ATRNL1: variants seen among roughly 807,000 people sequenced by gnomAD.
ATRNL1 encodes attractin like 1.
Under a neutral mutation model 182.7 loss-of-function variants are expected in ATRNL1, and 95 were observed. The ratio of observed to expected loss-of-function variants is 0.52; its 90% CI spans 0.44 to 0.62. The LOEUF (loss-of-function observed/expected upper bound fraction) is 0.62. Ranked by LOEUF, ATRNL1 falls within the 20% of genes least tolerant of loss-of-function variation. ATRNL1 has a pLI of 0.00. For missense variants in ATRNL1, 1,471 were observed against 1,679.5 expected, an observed-to-expected ratio of 0.88 and a Z score of 2.17; for synonymous variants, 576 against 568.3, an observed-to-expected ratio of 1.01 and a Z score of -0.19.
At chr10:115,764,550 T>C (rs1948810142) in intron 27 of ATRNL1, among the ~76,000 whole-genome samples, 1 of 152,192 alleles carries the variant, frequency 6.6e-6, no homozygotes, top group Non-Finnish European at 1.5e-5. Flanking sequence ...TTCCAGAATG[T>C]AATATAGTTT....
At chr10:115,296,370 T>G (rs527868396) in intron 15 of ATRNL1, among the ~76,000 whole-genome samples, 1 of 152,302 alleles carries the variant, frequency 6.6e-6, no homozygotes, top group South Asian at 2.1e-4. Context: ...CAATCCTCTC[T>G]TGTGGTAGGG....
chr10:115,648,662 C>A (rs1859787733), intron 26 of ATRNL1, among the ~76,000 whole-genome samples: 1 of 152,132 alleles, frequency 6.6e-6, no homozygotes, highest in South Asian at 2.1e-4. Flanking sequence ...CTTTTCTAGG[C>A]AGTTACTTCC....
rs1053129351 is a variant in ATRNL1, at chr10:115,800,872, C to T, written c.3904-47005C>T. Among the ~76,000 whole-genome samples the T allele has an allele frequency of 5.9e-5, 9 of 152,162 alleles. No individual in the cohort carries two copies. In the South Asian group the frequency reaches 1.7e-3, roughly 28 times the overall value. The stretch of plus-strand genomic sequence containing the variant: ...TAGGACTTCCCAGCCTCCGGAACTA[C>T]AAGAAATAAATGTCTGTTGGTTAAG... On this transcript the variant is annotated intron_variant, in intron 27 of 28. Transcript: ENST00000355044.
intron 26 of ATRNL1, among the ~76,000 whole-genome samples, chr10:115,651,705 A>G (rs1480930417): frequency 1.3e-5 from 2 of 152,182 alleles, no homozygotes; most frequent in Non-Finnish European, 2.9e-5. Context: ...TTACATAACC[A>G]TCTTGCTAGA....
chr10:115,389,546 A>ATATATATATGTG (rs1564989821), intron 19 of ATRNL1, among the ~76,000 whole-genome samples: 2 of 16,398 alleles, frequency 1.2e-4, no homozygotes, highest in Non-Finnish European at 2.6e-4. Context: ...ATGTGTATAT[A>ATATATATATGTG]TATATATATA....
At chr10:115,163,932 G>C (rs1846918308) in intron 6 of ATRNL1, among the ~76,000 whole-genome samples, 1 of 152,180 alleles carries the variant, frequency 6.6e-6, no homozygotes, top group Admixed American at 6.5e-5. Flanking sequence ...TAGGAAATAA[G>C]TTAAACAATG....
At chr10:115,182,385 G>T (rs190975352) in intron 8 of ATRNL1, among the ~76,000 whole-genome samples, 1 of 151,254 alleles carries the variant, frequency 6.6e-6, no homozygotes, top group African/African-American at 2.4e-5. Context: ...AGATATAAAC[G>T]TTCTTACCTA....
chr10:115,379,356 T>C (rs1857856752), intron 19 of ATRNL1, among the ~76,000 whole-genome samples: 1 of 152,222 alleles, frequency 6.6e-6, no homozygotes, highest in South Asian at 2.1e-4. Context: ...GCATTTGTGC[T>C]ATTTTACTCT....
chr10:115,759,226 C>T (rs1948670111), intron 27 of ATRNL1, among the ~76,000 whole-genome samples: 1 of 152,142 alleles, frequency 6.6e-6, no homozygotes, highest in African/African-American at 2.4e-5. Context: ...TTTGATTTAC[C>T]TTTCTCTTTA....
chr10:115,169,453 C>T (rs1554885054), intron 7 of ATRNL1, among the ~76,000 whole-genome samples: 2 of 152,040 alleles, frequency 1.3e-5, no homozygotes, highest in African/African-American at 2.4e-5. Flanking sequence ...AAGTGATCCA[C>T]TCGCCTCGGA....
intron 26 of ATRNL1, among the ~76,000 whole-genome samples, chr10:115,550,316 A>G (rs1852893902): frequency 6.6e-6 from 1 of 151,762 alleles, no homozygotes; most frequent in South Asian, 2.1e-4. Flanking sequence ...ATTTCTCCAT[A>G]TATTTCTATA....
chr10:115,583,410 T>C (rs1855267696), intron 26 of ATRNL1, among the ~76,000 whole-genome samples: 1 of 108,624 alleles, frequency 9.2e-6, no homozygotes, highest in South Asian at 4.2e-4. Flanking sequence ...TTTGTTTGTA[T>C]CCTCTTTTAT....
intron 26 of ATRNL1, among the ~76,000 whole-genome samples, chr10:115,692,959 C>T (rs183916560): frequency 1.5e-4 from 23 of 152,076 alleles, no homozygotes; most frequent in Admixed American, 5.2e-4. Context: ...TTATAATAGG[C>T]AATATTGCTT....
intron 27 of ATRNL1, among the ~76,000 whole-genome samples, chr10:115,770,462 G>T (rs1353309920): frequency 6.6e-6 from 1 of 152,100 alleles, no homozygotes; most frequent in Admixed American, 6.5e-5. Flanking sequence ...TAACCAATCA[G>T]TGAGAAAGGT....
chr10:115,662,171 T>C lies in ATRNL1; in HGVS notation c.3796-65077T>C, dbSNP rs985453489. 3.9e-5 allele frequency among the ~76,000 whole-genome samples: 6 copies of C among 152,088 alleles called. No individual in the cohort carries two copies. In the East Asian group the frequency reaches 5.8e-4, roughly 15 times the overall value. ...TATGTGCCACATTTTCTTAATCCAG[T>C]CTATCATTGTTGGACATTTGGCTTG... On this transcript the variant is annotated intron_variant, in intron 26 of 28. Transcript: ENST00000355044.
chr10:115,740,328 T>A (rs1345744930), intron 27 of ATRNL1, among the ~76,000 whole-genome samples: 1 of 150,114 alleles, frequency 6.7e-6, no homozygotes, highest in Admixed American at 6.7e-5. Flanking sequence ...TCTTTTTAAA[T>A]TTGCTTTATA....
At chr10:115,662,457 C>T (rs1368512246) in intron 26 of ATRNL1, among the ~76,000 whole-genome samples, 1 of 152,106 alleles carries the variant, frequency 6.6e-6, no homozygotes, top group Non-Finnish European at 1.5e-5. Context: ...AATCCCATTA[C>T]TGGTTATATA....
At chr10:115,578,813 ATGT>A (rs1436102472) in intron 26 of ATRNL1, among the ~76,000 whole-genome samples, 18 of 151,408 alleles carry the variant, frequency 1.2e-4, no homozygotes, top group African/African-American at 4.1e-4. Flanking sequence ...GAGGTGAGGT[ATGT>A]TGTTTGAGAT....
At chr10:115,877,997 C>G (rs150888807) in intron 28 of ATRNL1, among the ~76,000 whole-genome samples, 1 of 152,138 alleles carries the variant, frequency 6.6e-6, no homozygotes, top group Non-Finnish European at 1.5e-5. Flanking sequence ...CCTCTTAAGA[C>G]GACTCCCAGA....
Sources: allele counts gnomAD v4.1 joint callset (sites outside exome capture counted in the v4.1 genomes callset), GRCh38; gene constraint gnomAD v4.1.1; transcripts MANE v1.5; gene names NCBI Gene and HGNC (gene_info 2026-07-23, HGNC 2026-07-21).